The following ACTG2 variants were observed in gnomAD, a reference collection of about 807,000 sequenced individuals.
The protein encoded by ACTG2 is actin gamma 2, smooth muscle.
A neutral mutation model predicts 37.6 loss-of-function variants in ACTG2; 16 were observed. The observed-to-expected ratio is 0.43, with a 90% CI of 0.29 to 0.65. The LOEUF is 0.65. Among genes scored for constraint, ACTG2 ranks in the 30% least tolerant of loss-of-function variants. ACTG2 has a pLI of 0.18. For synonymous variants in ACTG2, 181 were observed against 179.9 expected (o/e 1.01, Z -0.05); for missense variants, 238 against 490.9 (o/e 0.48, Z 4.87).
intron 2 of ACTG2, 83 bp downstream of exon 2, chr2:73,901,520 T>C: frequency 1.5e-6 from 2 of 1,299,028 alleles, no homozygotes. Flanking sequence ...AGCTGGGGGT[T>C]AGGGGAAGGA....
chr2:73,899,098 C>T (rs1333133870), intron 1 of ACTG2, among the ~76,000 whole-genome samples: 1 of 152,118 alleles, frequency 6.6e-6, no homozygotes, highest in Non-Finnish European at 1.5e-5. Flanking sequence ...GCGTGAGCCA[C>T]CGCGCCCGGC....
chr2:73,908,394 G>T (rs778510642), intron 3 of ACTG2: 1 of 541,606 alleles, frequency 1.8e-6, no homozygotes, highest in South Asian at 1.5e-5. Flanking sequence ...ACAAAGGCAG[G>T]GGAGAGACTG....
intron 7 of ACTG2, among the ~76,000 whole-genome samples, chr2:73,915,301 C>T (rs1365771429): frequency 6.6e-6 from 1 of 151,292 alleles, no homozygotes; most frequent in Non-Finnish European, 1.5e-5. Flanking sequence ...AGGCAGATCA[C>T]TTGAGCCTGT....
At position 73,910,171 on chromosome 2, in the gene ACTG2, C is replaced by T. The variant is rs182790917; in HGVS notation, c.451+1032C>T. Among the ~76,000 whole-genome samples the T allele has an allele frequency of 7.3e-3, 1,101 of 151,472 alleles. 7 individuals are homozygous for T. Among genetic ancestry groups the T allele is most frequent in the Non-Finnish European group, 1.0e-2 (676 of 67,854 alleles). ...CAGAGGTTGCAGTGAGCCAAGATCA[C>T]GCCACTGCCCTCCAGCCTGTGTGAC... is the stretch of plus-strand genomic sequence containing the variant. On this transcript the variant is annotated intron_variant, in intron 5 of 8. Coordinates refer to ENST00000345517, the MANE Select transcript of ACTG2 (RefSeq NM_001615.4).
chr2:73,913,739 T>A (rs1284683040), intron 6 of ACTG2, 93 bp downstream of exon 6: 2 of 1,178,780 alleles, frequency 1.7e-6, no homozygotes, highest in Non-Finnish European at 2.4e-6. Context: ...TCTGTGACTC[T>A]GTGTCTTTAA....
chr2:73,918,797 A>G (rs1680322367), intron 8 of ACTG2, among the ~76,000 whole-genome samples: 1 of 152,242 alleles, frequency 6.6e-6, no homozygotes, highest in African/African-American at 2.4e-5. Context: ...ATACTCAGGC[A>G]TGGAGGAAGC....
intron 5 of ACTG2, among the ~76,000 whole-genome samples, chr2:73,909,631 C>G (rs997359371): frequency 6.6e-6 from 1 of 152,080 alleles, no homozygotes. Context: ...AGGCTACAGA[C>G]AGTATAGCAT....
chr2:73,901,988 A>T (rs971290649), intron 2 of ACTG2, among the ~76,000 whole-genome samples: 6 of 150,462 alleles, frequency 4.0e-5, no homozygotes, highest in Admixed American at 6.6e-5. Context: ...CTAAGCAGGC[A>T]CAGGGGACTT....
intron 3 of ACTG2, among the ~76,000 whole-genome samples, chr2:73,904,771 G>GTA (rs1679978490): frequency 1.5e-4 from 3 of 20,076 alleles, no homozygotes; most frequent in South Asian, 1.5e-3. Context: ...GTGTGTGTGT[G>GTA]TGTGTGTATA....
intron 5 of ACTG2, among the ~76,000 whole-genome samples, chr2:73,912,987 G>C (rs1040834293): frequency 3.3e-5 from 5 of 152,122 alleles, no homozygotes; most frequent in Admixed American, 2.6e-4. Flanking sequence ...GGCCAACATA[G>C]TGAAACCCCA....
intron 3 of ACTG2, among the ~76,000 whole-genome samples, chr2:73,903,588 A>G (rs1037983639): frequency 1.3e-5 from 2 of 152,252 alleles, no homozygotes; most frequent in African/African-American, 4.8e-5. Flanking sequence ...GGCATGGAAC[A>G]TACTTATGTG....
At chr2:73,893,802 A>C (rs1221911502) in intron 1 of ACTG2, among the ~76,000 whole-genome samples, 1 of 152,106 alleles carries the variant, frequency 6.6e-6, no homozygotes, top group East Asian at 1.9e-4. Context: ...TACTCCCCCC[A>C]ACCCACCCAA....
intron 1 of ACTG2, among the ~76,000 whole-genome samples, chr2:73,895,351 C>T (rs1432060843): frequency 6.6e-6 from 1 of 152,156 alleles, no homozygotes; most frequent in Non-Finnish European, 1.5e-5. Context: ...AAATATTACT[C>T]AGCAGAGTTG....
intron 3 of ACTG2, among the ~76,000 whole-genome samples, chr2:73,905,272 G>A (rs1008955380): frequency 6.6e-6 from 1 of 152,110 alleles, no homozygotes; most frequent in African/African-American, 2.4e-5. Flanking sequence ...TACAGTTAAT[G>A]TGAGCATTTA....
intron 2 of ACTG2, 31 bp downstream of exon 2, chr2:73,901,468 T>TG: frequency 6.2e-7 from 1 of 1,612,426 alleles, no homozygotes; most frequent in East Asian, 2.2e-5. Context: ...CACCAGGCTT[T>TG]GAGCCACTAG....
At chr2:73,895,847 A>G (rs1679736329) in intron 1 of ACTG2, among the ~76,000 whole-genome samples, 1 of 152,190 alleles carries the variant, frequency 6.6e-6, no homozygotes, top group Admixed American at 6.5e-5. Flanking sequence ...TAAATATTTT[A>G]GGCTTTCGGA....
At chr2:73,901,159 T>A in intron 1 of ACTG2, 117 bp from the exon 2 acceptor site, 1 of 820,498 alleles carries the variant, frequency 1.2e-6, no homozygotes, top group African/African-American at 1.8e-5. Flanking sequence ...AGCCCATGCC[T>A]GTCCCTCCTG....
At position 73,901,441 on chromosome 2, in the gene ACTG2, C is replaced by A; in HGVS notation, c.126+4C>A. On this transcript the variant is annotated splice_donor_region_variant and intron_variant, in intron 2 of 8. Coordinates refer to ENST00000345517, the MANE Select transcript of ACTG2 (RefSeq NM_001615.4). Reference sequence around the variant, plus strand: ...TGTGGGCCGCCCTCGCCACCAGGTGCGTGCTCATCTGGATACCACCAGGCT... The same window carrying A: ...TGTGGGCCGCCCTCGCCACCAGGTGAGTGCTCATCTGGATACCACCAGGCT... 6.2e-7 allele frequency: 1 copy of A among 1,613,704 alleles called. No individual in the cohort carries two copies. Among genetic ancestry groups the A allele is most frequent in the Non-Finnish European group, 8.5e-7 (1 of 1,179,876 alleles).
intron 5 of ACTG2, among the ~76,000 whole-genome samples, chr2:73,910,810 C>T (rs1236852210): frequency 1.3e-5 from 2 of 152,048 alleles, no homozygotes; most frequent in African/African-American, 4.8e-5. Flanking sequence ...GTGATCTGCC[C>T]ACCTCAGCCT....
Sources: gnomAD v4.1 joint callset for allele counts (sites outside exome capture counted in the v4.1 genomes callset) on GRCh38, gnomAD v4.1.1 for gene constraint, MANE v1.5 for transcripts, NCBI Gene and HGNC (gene_info 2026-07-23, HGNC 2026-07-21) for gene names.